The following HGD variants were observed in gnomAD, a reference collection of about 807,000 sequenced individuals.
HGD encodes the protein homogentisate oxidase.
HGD carries 61 observed loss-of-function variants against 60.8 expected under a neutral mutation model. The observed-to-expected ratio is 1.00, with a 90% CI of 0.82 to 1.24. The LOEUF (loss-of-function observed/expected upper bound fraction) is 1.24, where lower values mean the gene tolerates loss of function less well. Ranked by LOEUF, HGD falls within the 50% of genes most tolerant of loss-of-function variation. The pLI is 0.00. For synonymous variants in HGD, 212 were observed against 187.7 expected (o/e 1.13, Z -1.06); for missense variants, 542 against 547.1 (o/e 0.99, Z 0.09).
In HGD at chr3:120,641,774, C is replaced by T. The variant is rs776103075; in HGVS notation, c.775-81G>A. 49 of 883,162 alleles carry T rather than the reference C, an allele frequency of 5.5e-5. No individual in the cohort carries two copies. The Middle Eastern group carries it at 1.7e-3, about 31-fold the overall frequency. The allele number at this position is 883,162 out of a possible 1,614,324, so 54.7% of individuals were successfully genotyped here. On this transcript the variant is annotated intron_variant, in intron 10 of 13. Coordinates refer to ENST00000283871, the MANE Select transcript of HGD (RefSeq NM_000187.4). ...GATCCCACAATATGTACTGAGTATA[C>T]CTCTCTCTTCTTTTGATTTGATTTT...
At chr3:120,664,660 G>A (rs555269785) in intron 4 of HGD, among the ~76,000 whole-genome samples, 2 of 151,968 alleles carry the variant, frequency 1.3e-5, no homozygotes, top group South Asian at 4.2e-4. Context: ...CAAACTCCTG[G>A]ACTCAAGTGA....
intron 5 of HGD, 89 bp from the exon 6 acceptor site, chr3:120,650,954 C>G: frequency 1.0e-6 from 1 of 970,038 alleles, no homozygotes; most frequent in Non-Finnish European, 1.7e-6. Context: ...TCATGAGGCA[C>G]ATTTCTACTA....
intron 2 of HGD, among the ~76,000 whole-genome samples, chr3:120,675,306 C>T (rs185992854): frequency 6.6e-6 from 1 of 151,792 alleles, no homozygotes; most frequent in East Asian, 1.9e-4. Context: ...TACCTGTAAC[C>T]CTGTAATAAT....
intron 12 of HGD, among the ~76,000 whole-genome samples, chr3:120,637,406 G>C (rs1304907847): frequency 6.6e-6 from 1 of 151,034 alleles, no homozygotes; most frequent in Non-Finnish European, 1.5e-5. Flanking sequence ...ACTTGTAACA[G>C]AGCCATAGAA....
chr3:120,679,692 G>C (rs540419883), intron 1 of HGD, among the ~76,000 whole-genome samples: 1 of 152,268 alleles, frequency 6.6e-6, no homozygotes, highest in Non-Finnish European at 1.5e-5. Context: ...TACAAAAGCA[G>C]AGATACATTT....
intron 8 of HGD, among the ~76,000 whole-genome samples, 162 bp from the exon 9 acceptor site, chr3:120,646,528 A>T (rs1259732328): frequency 6.6e-6 from 1 of 152,140 alleles, no homozygotes; most frequent in Non-Finnish European, 1.5e-5. Flanking sequence ...GAATTTTTTT[A>T]AAAAGAAATT....
chr3:120,639,185 T>A (rs187187171), intron 11 of HGD, among the ~76,000 whole-genome samples: 1 of 152,178 alleles, frequency 6.6e-6, no homozygotes, highest in African/African-American at 2.4e-5. Flanking sequence ...GAGCATAGTA[T>A]CCAATAGGTA....
At chr3:120,654,330 G>C (rs540814762) in intron 4 of HGD, among the ~76,000 whole-genome samples, 1 of 152,304 alleles carries the variant, frequency 6.6e-6, no homozygotes, top group African/African-American at 2.4e-5. Context: ...ATCACATGGA[G>C]AGCCTTTGAG....
Position 120,628,344 on chromosome 3 carries a change from A to G in HGD, c.*36T>C. On this transcript the variant is annotated 3_prime_UTR_variant, in exon 14 of 14. Coordinates refer to ENST00000283871, the MANE Select transcript of HGD (RefSeq NM_000187.4). ...CATGAGATTCTGAAGAAATCTTCAC[A>G]AATCTACTCTTAATTATGGTAGCAA... The G allele has an allele frequency of 6.2e-7, 1 of 1,608,008 alleles. No individual in the cohort carries two copies.
chr3:120,633,419 A>G, intron 12 of HGD, 91 bp from the exon 13 acceptor site: 1 of 1,607,270 alleles, frequency 6.2e-7, no homozygotes, highest in Admixed American at 1.7e-5. Flanking sequence ...CAGAATTCCA[A>G]GAACACAGGA....
At chr3:120,633,689 T>A in intron 12 of HGD, 1 of 949,532 alleles carries the variant, frequency 1.1e-6, no homozygotes, top group East Asian at 6.0e-5. Context: ...GAGCCCTGTA[T>A]CAAAGTTATC....
chr3:120,633,375 A>G, intron 12 of HGD, 47 bp from the exon 13 acceptor site: 1 of 1,613,938 alleles, frequency 6.2e-7, no homozygotes, highest in Non-Finnish European at 8.5e-7. Context: ...AGGCAAGACC[A>G]GTAAAACACA....
intron 10 of HGD, among the ~76,000 whole-genome samples, chr3:120,642,171 A>G (rs1288262418): frequency 6.6e-6 from 1 of 152,172 alleles, no homozygotes; most frequent in East Asian, 1.9e-4. Flanking sequence ...TAAAAGTTCC[A>G]ACTCCAAGGA....
At chr3:120,652,945 T>C (rs936809189) in intron 4 of HGD, among the ~76,000 whole-genome samples, 1 of 152,246 alleles carries the variant, frequency 6.6e-6, no homozygotes, top group African/African-American at 2.4e-5. Context: ...TGCTTCCTTT[T>C]TTAGAAGCTA....
At chr3:120,641,449 A>C in intron 11 of HGD, 140 bp downstream of exon 11, 1 of 704,802 alleles carries the variant, frequency 1.4e-6, no homozygotes, top group Non-Finnish European at 2.6e-6. Context: ...TTACTCCCTC[A>C]CCAAAGGACA....
chr3:120,646,153 G>T, intron 9 of HGD, 114 bp downstream of exon 9: 1 of 762,988 alleles, frequency 1.3e-6, no homozygotes, highest in South Asian at 1.4e-5. Flanking sequence ...TTTGTCTAGA[G>T]AGAAAAGTGG....
chr3:120,633,584 G>T, intron 12 of HGD: 1 of 1,426,668 alleles, frequency 7.0e-7, no homozygotes, highest in Non-Finnish European at 9.3e-7. Context: ...CAGGAATCAG[G>T]CTAGATCTAA....
intron 10 of HGD, among the ~76,000 whole-genome samples, chr3:120,643,589 G>T (rs1941063069): frequency 6.6e-6 from 1 of 152,196 alleles, no homozygotes; most frequent in African/African-American, 2.4e-5. Flanking sequence ...ATTATCTCTA[G>T]ATGCTGCCTA....
chr3:120,642,371 T>G (rs2107503828), intron 10 of HGD, among the ~76,000 whole-genome samples: 1 of 152,246 alleles, frequency 6.6e-6, no homozygotes, highest in African/African-American at 2.4e-5. Flanking sequence ...AATGTTGAGG[T>G]ATCTGAGCCT....
Sources: allele counts gnomAD v4.1 joint callset (sites outside exome capture counted in the v4.1 genomes callset), GRCh38; gene constraint gnomAD v4.1.1; transcripts MANE v1.5; gene names NCBI Gene and HGNC (gene_info 2026-07-23, HGNC 2026-07-21).